MAP2K5: variants seen among roughly 807,000 people sequenced by gnomAD.
MAP2K5 encodes the protein mitogen-activated protein kinase kinase 5.
Under a neutral mutation model 83.1 loss-of-function variants are expected in MAP2K5, and 49 were observed. The observed-to-expected ratio is 0.59, with a 90% confidence interval of 0.47 to 0.75. The LOEUF (loss-of-function observed/expected upper bound fraction) is 0.75, where lower values mean the gene tolerates loss of function less well. Among genes scored for constraint, MAP2K5 ranks in the 30% least tolerant of loss-of-function variants. MAP2K5 has a pLI of 0.00. For missense variants in MAP2K5, 457 were observed against 557.5 expected (o/e 0.82, Z 1.82); for synonymous variants, 202 against 191.8 (o/e 1.05, Z -0.44).
chr15:67,664,710 G>C, intron 13 of MAP2K5, 65 bp downstream of exon 13: 2 of 1,009,620 alleles, frequency 2.0e-6, no homozygotes, highest in South Asian at 1.4e-5. Flanking sequence ...CAGATACCTT[G>C]ATTTTTAAAG....
At position 67,690,042 on chromosome 15, in the gene MAP2K5, T is replaced by A. The variant is rs6494689; in HGVS notation, c.848-2437T>A. Among the ~76,000 whole-genome samples the A allele has an allele frequency of 1, 152,271 of 152,278 alleles. 76,132 individuals carry two copies. Among genetic ancestry groups the A allele is most frequent in the Non-Finnish European group, 1 (68,036 of 68,036 alleles). Reference sequence around the variant, plus strand: ...GTGTGTGCCATTTTTTTTAAATCTCTTCAGCTATTGTTAGTGTATTTTATA... The same window carrying A: ...GTGTGTGCCATTTTTTTTAAATCTCATCAGCTATTGTTAGTGTATTTTATA... On this transcript the variant is annotated intron_variant, in intron 13 of 21. Transcript: ENST00000178640. The surrounding 1 kb of genome is among the most constrained non-coding windows in gnomAD (Gnocchi z 4.3).
Position 67,721,486 on chromosome 15 carries a change from T to C in MAP2K5, c.1045-6430T>C, listed in dbSNP as rs921867373. The stretch of plus-strand genomic sequence containing the variant: ...AAGCTCTCAGACTACTTGGCACTTT[T>C]CGTATAGGCATAATGAGTTATTTGC... On this transcript the variant is annotated intron_variant, in intron 16 of 21. Transcript: ENST00000178640. 5.3e-5 allele frequency among the ~76,000 whole-genome samples: 8 copies of C among 152,360 alleles called. No homozygotes were observed. The South Asian group carries it at 1.7e-3, about 32-fold the overall frequency.
At chr15:67,772,822 T>C (rs2090168073) in intron 21 of MAP2K5, 70 bp downstream of exon 21, 1 of 1,330,364 alleles carries the variant, frequency 7.5e-7, no homozygotes, top group Non-Finnish European at 1.1e-6. Flanking sequence ...TGTTTAAAAG[T>C]CCAGAATGGA....
Position 67,640,497 on chromosome 15 carries a change from G to A in MAP2K5, c.586-5734G>A, listed in dbSNP as rs145031773. The A allele has an allele frequency of 2.7e-6, 2 of 750,172 alleles. No homozygotes were observed. The highest frequency in any genetic ancestry group is 3.3e-6 in the Non-Finnish European group (2 of 615,334). The allele number at this position is 750,172 out of a possible 1,614,324, so 46.5% of individuals were successfully genotyped here. On this transcript the variant is annotated intron_variant, in intron 9 of 21. Coordinates refer to ENST00000178640, the MANE Select transcript of MAP2K5 (RefSeq NM_145160.3). The surrounding 1 kb of genome is among the most constrained non-coding windows in gnomAD (Gnocchi z 4.6). ...CTCCCAGTGACCTCAGCTGTGAAAC[G>A]GGGCTGCCTGATGTCACAGAGGATT...
chr15:67,693,645 A>G (rs532933658), intron 15 of MAP2K5, 77 bp downstream of exon 15: 211 of 1,070,004 alleles, frequency 2.0e-4, no homozygotes, highest in South Asian at 1.6e-3. Flanking sequence ...ATAATTCTTG[A>G]ATTAATTCCA....
At chr15:67,680,439 ATATAT>A (rs1187227069) in intron 13 of MAP2K5, among the ~76,000 whole-genome samples, 1 of 152,210 alleles carries the variant, frequency 6.6e-6, no homozygotes, top group African/African-American at 2.4e-5. Flanking sequence ...TACCATTGGT[ATATAT>A]TATATGATTA....
In MAP2K5 at chr15:67,552,586, C is replaced by T. The variant is rs956998331; in HGVS notation, c.184+2504C>T. ...AGTAGCTGGGACTACAGGCACCCAC[C>T]TCCACACCTAGCTAATTAAAAAAAT... On this transcript the variant is annotated intron_variant, in intron 2 of 21. Transcript: ENST00000178640. This position sits in a 1 kb window ranked among gnomAD's most constrained non-coding sequence, Gnocchi z 4.2. Among the ~76,000 whole-genome samples the T allele has an allele frequency of 6.6e-6, 1 of 152,072 alleles. No individual in the cohort carries two copies. Among genetic ancestry groups the T allele is most frequent in the Non-Finnish European group, 1.5e-5 (1 of 68,034 alleles).
intron 13 of MAP2K5, among the ~76,000 whole-genome samples, chr15:67,686,377 C>T (rs1205752835): frequency 6.6e-6 from 1 of 152,000 alleles, no homozygotes; most frequent in African/African-American, 2.4e-5. Flanking sequence ...GAGGCCAAGG[C>T]AAGCAGATCA....
chr15:67,547,233 T>C (rs181008039), intron 1 of MAP2K5, among the ~76,000 whole-genome samples: 349 of 152,246 alleles, frequency 2.3e-3, no homozygotes, highest in African/African-American at 8.1e-3. Flanking sequence ...GTCTTTCAGG[T>C]TTGTCTTTAT....
In MAP2K5 at chr15:67,769,502, A is replaced by G; in HGVS notation, c.1135-100A>G. The G allele has an allele frequency of 2.0e-6, 2 of 1,016,130 alleles. No homozygotes were observed. The highest frequency in any genetic ancestry group is 3.1e-6 in the Non-Finnish European group (2 of 652,110). 62.9% of individuals were successfully genotyped at this position (1,016,130 alleles called of 1,614,324 possible). A position where few individuals can be genotyped will look rare whatever the true frequency, so the allele number is the denominator to read the frequency against. On this transcript the variant is annotated intron_variant, in intron 19 of 21. Coordinates refer to ENST00000178640, the MANE Select transcript of MAP2K5 (RefSeq NM_145160.3). The surrounding 1 kb of genome is among the most constrained non-coding windows in gnomAD (Gnocchi z 5.2). ...TTGGGTGAGGCCTTATTCTCATTGT[A>G]TTCATCTTTATACTCATCCTTCACA...
At position 67,778,810 on chromosome 15, in the gene MAP2K5, T is replaced by G. The variant is rs781393714; in HGVS notation, c.1242+6058T>G. On this transcript the variant is annotated intron_variant, in intron 21 of 21. Coordinates refer to ENST00000178640, the MANE Select transcript of MAP2K5 (RefSeq NM_145160.3). This position sits in a 1 kb window ranked among gnomAD's most constrained non-coding sequence, Gnocchi z 5.0. ...TTTGATCCGGGGCTTACCTGTGCCCTGAGCGCAAATATGAAGAAAGGTGCA... is the reference window on the plus strand; with the variant it reads ...TTTGATCCGGGGCTTACCTGTGCCCGGAGCGCAAATATGAAGAAAGGTGCA... Among the ~76,000 whole-genome samples the G allele has an allele frequency of 6.6e-6, 1 of 152,194 alleles. No homozygotes were observed. The highest frequency in any genetic ancestry group is 1.5e-5 in the Non-Finnish European group (1 of 68,034).
intron 8 of MAP2K5, among the ~76,000 whole-genome samples, chr15:67,622,943 A>C (rs1322413532): frequency 6.6e-6 from 1 of 151,990 alleles, no homozygotes; most frequent in Non-Finnish European, 1.5e-5. Flanking sequence ...CTAAAAATAC[A>C]AAAACAAAAT....
In MAP2K5 at chr15:67,722,611, A is replaced by G. The variant is rs1367691347; in HGVS notation, c.1045-5305A>G. Among the ~76,000 whole-genome samples the G allele has an allele frequency of 6.6e-6, 1 of 152,212 alleles. No homozygotes were observed. Among genetic ancestry groups the G allele is most frequent in the Non-Finnish European group, 1.5e-5 (1 of 68,046 alleles). On this transcript the variant is annotated intron_variant, in intron 16 of 21. Transcript: ENST00000178640. The surrounding 1 kb of genome is among the most constrained non-coding windows in gnomAD (Gnocchi z 4.2). ...ATATTTATTATGGTTCTTCACCAGCATAGTTTCAGATGATTTAAACTCTTT... is the reference window on the plus strand; with the variant it reads ...ATATTTATTATGGTTCTTCACCAGCGTAGTTTCAGATGATTTAAACTCTTT...
At position 67,562,739 on chromosome 15, in the gene MAP2K5, A is replaced by C. The variant is rs2084761830; in HGVS notation, c.185-544A>C. ...TAGGTTCTCCTGTGGAAAGAGAATA[A>C]TAATAATGATGTTCATGTCGCAGGT... On this transcript the variant is annotated intron_variant, in intron 2 of 21. Coordinates refer to ENST00000178640, the MANE Select transcript of MAP2K5 (RefSeq NM_145160.3). This position sits in a 1 kb window ranked among gnomAD's most constrained non-coding sequence, Gnocchi z 4.1. 6.6e-6 allele frequency among the ~76,000 whole-genome samples: 1 copy of C among 152,234 alleles called. No individual in the cohort carries two copies. The highest frequency in any genetic ancestry group is 1.5e-5 in the Non-Finnish European group (1 of 68,042).
At chr15:67,776,439 A>G (rs925531842) in intron 21 of MAP2K5, among the ~76,000 whole-genome samples, 1 of 152,254 alleles carries the variant, frequency 6.6e-6, no homozygotes, top group African/African-American at 2.4e-5. Context: ...CAGGGATTCC[A>G]TGGCTTATGT....
intron 4 of MAP2K5, among the ~76,000 whole-genome samples, chr15:67,581,337 G>A (rs560757851): frequency 6.6e-6 from 1 of 152,292 alleles, no homozygotes; most frequent in South Asian, 2.1e-4. Context: ...CCAAAAATAT[G>A]AGCTGATGAG....
At chr15:67,732,690 C>T (rs780599159) in intron 17 of MAP2K5, among the ~76,000 whole-genome samples, 2 of 151,870 alleles carry the variant, frequency 1.3e-5, no homozygotes, top group African/African-American at 4.8e-5. Context: ...TCCGACTCCC[C>T]GCTGCTGCAG....
Position 67,758,046 on chromosome 15 carries a change from T to A in MAP2K5, c.1134+9445T>A, listed in dbSNP as rs1032843772. On this transcript the variant is annotated intron_variant, in intron 19 of 21. Coordinates refer to ENST00000178640, the MANE Select transcript of MAP2K5 (RefSeq NM_145160.3). This position sits in a 1 kb window ranked among gnomAD's most constrained non-coding sequence, Gnocchi z 4.7. ...CAAGGGCCACATTTTGAAGGATCTTTATACCCCATGCTTAGAGGTATTTGT... is the reference window on the plus strand; with the variant it reads ...CAAGGGCCACATTTTGAAGGATCTTAATACCCCATGCTTAGAGGTATTTGT... 1.3e-5 allele frequency among the ~76,000 whole-genome samples: 2 copies of A among 152,142 alleles called. No individual in the cohort carries two copies. The highest frequency in any genetic ancestry group is 4.8e-5 in the African/African-American group (2 of 41,432).
intron 13 of MAP2K5, among the ~76,000 whole-genome samples, chr15:67,666,604 A>G (rs1216441331): frequency 6.6e-6 from 1 of 152,176 alleles, no homozygotes; most frequent in Non-Finnish European, 1.5e-5. Context: ...ACTTGGGCTA[A>G]GAAAGGGCTT....
Sources: gnomAD v4.1 joint callset for allele counts (sites outside exome capture counted in the v4.1 genomes callset) on GRCh38, gnomAD v4.1.1 for gene constraint, Gnocchi (gnomAD v3.1) non-coding constraint, MANE v1.5 for transcripts, NCBI Gene and HGNC (gene_info 2026-07-23, HGNC 2026-07-21) for gene names.